The following MTARC1 variants were observed in gnomAD, a reference collection of about 807,000 sequenced individuals.
MTARC1 encodes the protein mitochondrial amidoxime-reducing component 1.
Under a neutral mutation model 33.6 loss-of-function variants are expected in MTARC1, and 24 were observed. The ratio of observed to expected loss-of-function variants is 0.72; its 90% confidence interval spans 0.52 to 1.01. MTARC1 has a LOEUF of 1.01. Ranked by LOEUF, MTARC1 falls within the 50% of genes least tolerant of loss-of-function variation. The probability of loss-of-function intolerance (pLI) is 0.00; values close to 1 mark genes in which losing one functional copy is unlikely to be tolerated. For missense variants in MTARC1, 417 were observed against 445.7 expected, an observed-to-expected ratio of 0.94 and a Z score of 0.58; for synonymous variants, 187 against 189.5, an observed-to-expected ratio of 0.99 and a Z score of 0.11.
At position 220,817,093 on chromosome 1, in the gene MTARC1, C is replaced by CT. The variant is rs536440088; in HGVS notation, c.*3687dup. ...TTTCTCTTCTGCTAGCTTCTCCTTT[C>CT]TTTTTTTTTTTTCTTCTTTTTTTTG... On this transcript the variant is annotated 3_prime_UTR_variant, in exon 7 of 7. Transcript: ENST00000366910. 2.9e-3 allele frequency: 418 copies of CT among 146,552 alleles called. No homozygotes were observed. The highest frequency in any genetic ancestry group is 8.4e-3 in the African/African-American group (338 of 40,124). 9.1% of individuals were successfully genotyped at this position (146,552 alleles called of 1,614,324 possible). A position where few individuals can be genotyped will look rare whatever the true frequency, so the allele number is the denominator to read the frequency against.
At chr1:220,788,675 G>T (rs1225908823) in intron 1 of MTARC1, among the ~76,000 whole-genome samples, 1 of 151,874 alleles carries the variant, frequency 6.6e-6, no homozygotes, top group Non-Finnish European at 1.5e-5. Flanking sequence ...TGTAGTCCCA[G>T]CTACTCGGGA....
chr1:220,796,034 G>A (rs1043518413), intron 2 of MTARC1, among the ~76,000 whole-genome samples: 1 of 152,064 alleles, frequency 6.6e-6, no homozygotes, highest in African/African-American at 2.4e-5. Flanking sequence ...CCCTGCACAG[G>A]ACTATGTGCT....
At chr1:220,793,438 G>A (rs1192902908) in intron 2 of MTARC1, 8 of 152,192 alleles carry the variant, frequency 5.3e-5, no homozygotes, top group Non-Finnish European at 1.2e-4. Context: ...AAAATGAAAA[G>A]GCTTAGACAT....
At position 220,817,308 on chromosome 1, in the gene MTARC1, G is replaced by A. The variant is rs531877615; in HGVS notation, c.*3890G>A. On this transcript the variant is annotated 3_prime_UTR_variant, in exon 7 of 7. Transcript: ENST00000366910. The stretch of plus-strand genomic sequence containing the variant: ...AAGAATGAAGCCACAGACCTTCGCA[G>A]TGAGTGTTACAGCTCTTAAAGGTGG... 1.0e-3 allele frequency: 158 copies of A among 156,928 alleles called. No individual in the cohort carries two copies. Among genetic ancestry groups the A allele is most frequent in the Non-Finnish European group, 1.4e-3 (101 of 71,876 alleles). 9.7% of individuals were successfully genotyped at this position (156,928 alleles called of 1,614,324 possible). A position where few individuals can be genotyped will look rare whatever the true frequency, so the allele number is the denominator to read the frequency against.
At chr1:220,788,019 G>GAAAAAA in intron 1 of MTARC1, among the ~76,000 whole-genome samples, 1 of 150,952 alleles carries the variant, frequency 6.6e-6, no homozygotes, top group Non-Finnish European at 1.5e-5. Flanking sequence ...AAAAAAGAAA[G>GAAAAAA]AAAGAAAGAA....
intron 3 of MTARC1, among the ~76,000 whole-genome samples, chr1:220,797,029 T>C (rs1307662589): frequency 6.6e-6 from 1 of 152,208 alleles, no homozygotes; most frequent in East Asian, 1.9e-4. Context: ...ACCTTCCTAT[T>C]TGTGTAAGCA....
At chr1:220,790,192 C>T (rs978955016) in intron 1 of MTARC1, among the ~76,000 whole-genome samples, 2 of 152,050 alleles carry the variant, frequency 1.3e-5, no homozygotes, top group East Asian at 1.9e-4. Flanking sequence ...GGGGTCTATA[C>T]GTAGGAGTGT....
In MTARC1 at chr1:220,803,316, A is replaced by G. The variant is rs568769044; in HGVS notation, c.754-1736A>G. On this transcript the variant is annotated intron_variant, in intron 4 of 6. Coordinates refer to ENST00000366910, the MANE Select transcript of MTARC1 (RefSeq NM_022746.4). ...AAAGACCCGCCCCCATGATTCAATT[A>G]CCTCCAACTGGGTCCCTCCCATGAC... Among the ~76,000 whole-genome samples the G allele has an allele frequency of 5.9e-5, 9 of 152,184 alleles. No individual in the cohort carries two copies. In the South Asian group the frequency reaches 1.7e-3, roughly 28 times the overall value.
chr1:220,800,429 A>G (rs1672757111), intron 4 of MTARC1, among the ~76,000 whole-genome samples: 1 of 138,866 alleles, frequency 7.2e-6, no homozygotes, highest in Admixed American at 7.3e-5. Context: ...AAGTCACAGC[A>G]CAGTGAGATA....
chr1:220,796,792 G>T lies in MTARC1; in HGVS notation c.599G>T (p.Arg200Leu), dbSNP rs368618441. The T allele has an allele frequency of 2.2e-5, 35 of 1,607,950 alleles. No homozygotes were observed. The highest frequency in any genetic ancestry group is 3.0e-5 in the Non-Finnish European group (35 of 1,177,372). Residue 200 changes from arginine to leucine, a missense_variant, in exon 3 of 7, where the codon CGA becomes CTA. Transcript: ENST00000366910. ...RRPHQIADLF[R>L]PKDQIAYSDT... ...CCTCATCAAATAGCAGACTTGTTCC[G>T]ACCCAAGGACCAGGTGAGAGGTTCT...
chr1:220,789,506 C>T (rs1254990931), intron 1 of MTARC1, among the ~76,000 whole-genome samples: 2 of 152,190 alleles, frequency 1.3e-5, no homozygotes, highest in Non-Finnish European at 2.9e-5. Flanking sequence ...TGTTGGGCCT[C>T]ATTCAAAGCT....
chr1:220,806,369 C>T (rs1402461792), intron 6 of MTARC1, among the ~76,000 whole-genome samples: 2 of 152,140 alleles, frequency 1.3e-5, no homozygotes, highest in Non-Finnish European at 2.9e-5. Flanking sequence ...GACTTGGCCT[C>T]CCCAGGTGTA....
intron 1 of MTARC1, among the ~76,000 whole-genome samples, chr1:220,789,201 G>A (rs181371733): frequency 1.3e-5 from 2 of 151,908 alleles, no homozygotes; most frequent in East Asian, 3.9e-4. Context: ...AGCTTGAGCT[G>A]AAAACTGGAA....
Position 220,790,309 on chromosome 1 carries a change from G to T in MTARC1, c.276-1182G>T, listed in dbSNP as rs1400477435. 2.0e-5 allele frequency among the ~76,000 whole-genome samples: 3 copies of T among 152,306 alleles called. No individual in the cohort carries two copies. The East Asian group carries it at 5.8e-4, about 29-fold the overall frequency. ...GGAGGTAAGAATGGCTGGAGCAACA[G>T]CTGGATCATGAAGGGCTGGGCACGC... On this transcript the variant is annotated intron_variant, in intron 1 of 6. Coordinates refer to ENST00000366910, the MANE Select transcript of MTARC1 (RefSeq NM_022746.4).
intron 1 of MTARC1, among the ~76,000 whole-genome samples, chr1:220,790,094 G>A (rs777339090): frequency 6.6e-6 from 1 of 152,162 alleles, no homozygotes; most frequent in Non-Finnish European, 1.5e-5. Context: ...GGACACTCGG[G>A]CTGTTACTAC....
intron 6 of MTARC1, among the ~76,000 whole-genome samples, chr1:220,810,396 G>C (rs71640900): frequency 6.6e-6 from 1 of 152,068 alleles, no homozygotes; most frequent in Non-Finnish European, 1.5e-5. Flanking sequence ...GGTGGTGCAG[G>C]AGGCGGTGAG....
At position 220,791,576 on chromosome 1, in the gene MTARC1, G is replaced by T; in HGVS notation, c.361G>T (p.Gly121Cys). Residue 121 changes from glycine (G) to cysteine (C), a missense_variant, in exon 2 of 7, where the codon GGT (glycine) becomes TGT (cysteine). Coordinates refer to ENST00000366910, the MANE Select transcript of MTARC1 (RefSeq NM_022746.4). ...GGTCCTGATTTCCCTGACCTGCGATGGTGACACCCTGACTCTCAGTGCAGC... is the reference window on the plus strand; with the variant it reads ...GGTCCTGATTTCCCTGACCTGCGATTGTGACACCCTGACTCTCAGTGCAGC... ...RLVLISLTCD[G>C]DTLTLSAAYT... 6.2e-7 allele frequency: 1 copy of T among 1,614,154 alleles called. No individual in the cohort carries two copies.
intron 6 of MTARC1, among the ~76,000 whole-genome samples, chr1:220,806,625 C>A (rs921776361): frequency 6.6e-6 from 1 of 152,312 alleles, no homozygotes; most frequent in African/African-American, 2.4e-5. Flanking sequence ...CCCTCCCTGA[C>A]AATTCTACTG....
intron 1 of MTARC1, chr1:220,790,894 G>A (rs1439079677): frequency 6.6e-6 from 1 of 152,010 alleles, no homozygotes; most frequent in Non-Finnish European, 1.5e-5. Context: ...TACTGGGCCA[G>A]AAGAAAAAAA....
Sources: gnomAD v4.1 joint callset for allele counts (sites outside exome capture counted in the v4.1 genomes callset) on GRCh38, gnomAD v4.1.1 for gene constraint, MANE v1.5 for transcripts, NCBI Gene and HGNC (gene_info 2026-07-23, HGNC 2026-07-21) for gene names.